USP10: variants seen among roughly 807,000 people sequenced by gnomAD.
The protein encoded by USP10 is ubiquitin carboxyl-terminal hydrolase 10.
USP10 carries 22 observed loss-of-function variants against 84.5 expected under a neutral mutation model. That is an observed-to-expected ratio of 0.26 (90% CI 0.19 to 0.37). The LOEUF (loss-of-function observed/expected upper bound fraction) is 0.37. Ranked by LOEUF, USP10 falls within the 10% of genes least tolerant of loss-of-function variation. The probability of loss-of-function intolerance (pLI) is 1.00; values close to 1 mark genes in which losing one functional copy is unlikely to be tolerated. For missense variants in USP10, 1,019 were observed against 998.9 expected, an observed-to-expected ratio of 1.02 and a Z score of -0.27; for synonymous variants, 454 against 387.6, an observed-to-expected ratio of 1.17 and a Z score of -2.01.
intron 1 of USP10, chr16:84,733,070 G>A (rs1306512289): frequency 2.2e-6 from 1 of 460,134 alleles, no homozygotes; most frequent in Non-Finnish European, 4.3e-6. Flanking sequence ...GGCAGAGAAA[G>A]CGGAAATGGA....
intron 13 of USP10, among the ~76,000 whole-genome samples, chr16:84,777,979 A>G (rs1915188637): frequency 6.6e-6 from 1 of 152,008 alleles, no homozygotes; most frequent in Admixed American, 6.6e-5. Context: ...ATAGAAGTGG[A>G]GGATGTGTTC....
chr16:84,708,373 C>T (rs1905826164), intron 1 of USP10, among the ~76,000 whole-genome samples: 1 of 152,146 alleles, frequency 6.6e-6, no homozygotes, highest in East Asian at 1.9e-4. Context: ...TAGCTTGAAC[C>T]CGTGGGGGCA....
intron 5 of USP10, 60 bp downstream of exon 5, chr16:84,758,867 G>T: frequency 8.0e-7 from 1 of 1,252,736 alleles, no homozygotes; most frequent in Non-Finnish European, 1.2e-6. Context: ...TCCTTTGGGT[G>T]CATGTGACTT....
At chr16:84,722,358 T>C (rs540827190) in intron 1 of USP10, among the ~76,000 whole-genome samples, 21 of 152,236 alleles carry the variant, frequency 1.4e-4, no homozygotes, top group Non-Finnish European at 2.9e-4. Context: ...TTTTTGTTGT[T>C]CCCACTGTTT....
chr16:84,733,339 A>C (rs1266300255), intron 1 of USP10, 96 bp from the exon 2 acceptor site: 1 of 970,046 alleles, frequency 1.0e-6, no homozygotes, highest in Non-Finnish European at 1.6e-6. Context: ...TTATGGCCCA[A>C]ATGTTGCATA....
intron 2 of USP10, 149 bp from the exon 3 acceptor site, chr16:84,740,159 TG>T: frequency 1.7e-6 from 1 of 594,850 alleles, no homozygotes. Flanking sequence ...TAGATTGCAC[TG>T]ACTCTTCATG....
In USP10 at chr16:84,779,101, G is replaced by T; in HGVS notation, c.*19G>T. ...GCTGTAAACCCTGTGTGCGCTGTGT[G>T]TGCGCCCAGTGCCCGCTTCGTAGGA... On this transcript the variant is annotated 3_prime_UTR_variant, in exon 14 of 14. Transcript: ENST00000219473. 1 of 1,598,566 alleles carries T rather than the reference G, an allele frequency of 6.3e-7. No individual in the cohort carries two copies. The highest frequency in any genetic ancestry group is 1.1e-5 in the South Asian group (1 of 90,396).
rs78682985 is a variant in USP10 at position 84,763,398 on chromosome 16, T to C, written c.1654+310T>C. On this transcript the variant is annotated intron_variant, in intron 9 of 13. Coordinates refer to ENST00000219473, the MANE Select transcript of USP10 (RefSeq NM_005153.3). ...GTTTTAAACATATTTTCTGATGCTA[T>C]ACACACACTGTGTATATATATATAT... Among the ~76,000 whole-genome samples, 1,422 of 152,362 alleles carry C rather than the reference T, an allele frequency of 9.3e-3. 20 individuals are homozygous for C. The highest frequency in any genetic ancestry group is 0.032 in the African/African-American group (1,347 of 41,582).
At chr16:84,778,091 C>CTGTGTGTGTG (rs113716260) in intron 13 of USP10, among the ~76,000 whole-genome samples, 3,277 of 143,496 alleles carry the variant, frequency 0.023, 98 homozygotes, top group African/African-American at 0.071. Context: ...AAGTAAATAA[C>CTGTGTGTGTG]TGTGTGTGTG....
intron 1 of USP10, chr16:84,709,142 G>C (rs1457142058): frequency 6.6e-6 from 1 of 152,256 alleles, no homozygotes; most frequent in Non-Finnish European, 1.5e-5. Flanking sequence ...TTTCTCTCGC[G>C]GAGGAGTTTA....
chr16:84,723,142 CA>C (rs1205373703), intron 1 of USP10, among the ~76,000 whole-genome samples: 1 of 136,732 alleles, frequency 7.3e-6, no homozygotes, highest in Non-Finnish European at 1.5e-5. Flanking sequence ...TGATCACATC[CA>C]GGGTTTTTTT....
intron 1 of USP10, among the ~76,000 whole-genome samples, chr16:84,712,225 C>A (rs1193343223): frequency 6.6e-6 from 1 of 152,322 alleles, no homozygotes; most frequent in East Asian, 1.9e-4. Context: ...TGTCCTTCCT[C>A]AGGAGGCAGT....
chr16:84,758,648 G>A (rs1912857090), intron 4 of USP10, 68 bp from the exon 5 acceptor site: 1 of 1,124,656 alleles, frequency 8.9e-7, no homozygotes, highest in Non-Finnish European at 1.4e-6. Context: ...AGTAGAGCAT[G>A]TGAAATGATT....
intron 11 of USP10, among the ~76,000 whole-genome samples, chr16:84,770,444 T>C (rs1914310550): frequency 6.6e-6 from 1 of 152,164 alleles, no homozygotes; most frequent in African/African-American, 2.4e-5. Context: ...ATTTGCTATA[T>C]AGAAAATGTC....
intron 4 of USP10, among the ~76,000 whole-genome samples, chr16:84,751,446 T>C (rs1030683187): frequency 6.6e-6 from 1 of 152,220 alleles, no homozygotes; most frequent in African/African-American, 2.4e-5. Flanking sequence ...ACACAGGCAG[T>C]GGTCATGCGG....
intron 13 of USP10, 60 bp downstream of exon 13, chr16:84,775,285 TG>T (rs1914883970): frequency 6.4e-7 from 1 of 1,560,602 alleles, no homozygotes; most frequent in Non-Finnish European, 8.8e-7. Context: ...GGTTTACAGC[TG>T]GGCACAGGTT....
chr16:84,759,859 T>C, intron 6 of USP10, 32 bp from the exon 7 acceptor site: 1 of 1,604,404 alleles, frequency 6.2e-7, no homozygotes, highest in Non-Finnish European at 8.5e-7. Context: ...TGTTTAAAAC[T>C]GCACTATTTA....
At chr16:84,727,802 A>G (rs1412572638) in intron 1 of USP10, among the ~76,000 whole-genome samples, 1 of 152,246 alleles carries the variant, frequency 6.6e-6, no homozygotes, top group Non-Finnish European at 1.5e-5. Context: ...TGTATTTCCT[A>G]AGAATAGGCA....
rs764696957 is a variant in USP10 at position 84,778,992 on chromosome 16, A to G, written c.2307A>G (p.Thr769=). ...GCTGGCTGCGCATCGATGACCAGACAGTCAAGGTGATCAACCAGTACCAGG... is the reference window on the plus strand; with the variant it reads ...GCTGGCTGCGCATCGATGACCAGACGGTCAAGGTGATCAACCAGTACCAGG... ...LNGWLRIDDQ[T]VKVINQYQVV... Residue 769 remains threonine, a synonymous_variant, in exon 14 of 14, where the codon ACA becomes ACG. Coordinates refer to ENST00000219473, the MANE Select transcript of USP10 (RefSeq NM_005153.3). 1.4e-5 allele frequency: 22 copies of G among 1,613,932 alleles called. No individual in the cohort carries two copies. Among genetic ancestry groups the G allele is most frequent in the Middle Eastern group, 3.3e-4 (2 of 6,084 alleles).
Sources: gnomAD v4.1 joint callset for allele counts (sites outside exome capture counted in the v4.1 genomes callset) on GRCh38, gnomAD v4.1.1 for gene constraint, MANE v1.5 for transcripts, NCBI Gene and HGNC (gene_info 2026-07-23, HGNC 2026-07-21) for gene names.